ATRX: variants seen among roughly 807,000 people sequenced by gnomAD.
ATRX encodes ATRX chromatin remodeler, also known as chromatin remodeler ATRX.
A neutral mutation model predicts 172.6 loss-of-function variants in ATRX; 12 were observed. The ratio of observed to expected loss-of-function variants is 0.07; its 90% CI spans 0.04 to 0.11. The LOEUF (loss-of-function observed/expected upper bound fraction) is 0.11. Among genes scored for constraint, ATRX ranks in the 10% least tolerant of loss-of-function variants. ATRX has a pLI of 1.00. For missense variants in ATRX, 1,368 were observed against 1,767.4 expected (o/e 0.77, Z 4.05); for synonymous variants, 674 against 594.7 (o/e 1.13, Z -1.94).
intron 1 of ATRX, among the ~76,000 whole-genome samples, chrX:77,748,530 TAATTA>T (rs1339554034): frequency 2.6e-4 from 29 of 112,282 alleles, no homozygotes; most frequent in African/African-American, 9.0e-4. Context: ...ATTCCAAAAA[TAATTA>T]AATAAAAAGA....
In ATRX at chrX:77,682,066, C is replaced by A; in HGVS notation, c.3190G>T (p.Ala1064Ser). 8.3e-7 allele frequency: 1 copy of A among 1,210,648 alleles called. No individual in the cohort carries two copies. The change falls in exon 9 of 35, where the codon GCT (alanine) becomes TCT (serine). Residue 1064 changes from alanine to serine, a missense_variant. By Grantham distance (99) the Ala-to-Ser change is moderately conservative. Coordinates refer to ENST00000373344, the MANE Select transcript of ATRX (RefSeq NM_000489.6). The part of the protein sequence containing the change: ...SKKKDELSDY[A>S]EKSTGKGDSC... ...TCTCCTTTCCCTGTTGACTTCTCAG[C>A]ATAATCAGATAATTCATCCTTCTTT...
intron 1 of ATRX, among the ~76,000 whole-genome samples, chrX:77,735,371 C>A (rs782127667): frequency 9.0e-6 from 1 of 111,409 alleles, no homozygotes; most frequent in Non-Finnish European, 1.9e-5. Context: ...CCAAGGCAGG[C>A]GGATCACGAG....
At chrX:77,545,315 T>C (rs934900123) in intron 30 of ATRX, among the ~76,000 whole-genome samples, 6 of 111,996 alleles carry the variant, frequency 5.4e-5, no homozygotes, top group Non-Finnish European at 9.4e-5. Flanking sequence ...GCAGAAACTA[T>C]AGAAGGGAAA....
chrX:77,660,945 T>G (rs2069856414), intron 12 of ATRX, among the ~76,000 whole-genome samples: 1 of 112,190 alleles, frequency 8.9e-6, no homozygotes, highest in South Asian at 3.7e-4. Context: ...TTCAACCTCC[T>G]ATAAGACTCA....
chrX:77,671,419 CAAT>C (rs1945227340), intron 10 of ATRX, among the ~76,000 whole-genome samples: 1 of 106,762 alleles, frequency 9.4e-6, no homozygotes, highest in South Asian at 4.0e-4. Flanking sequence ...GGAGGTAGAA[CAAT>C]AAAAACTATG....
intron 28 of ATRX, among the ~76,000 whole-genome samples, chrX:77,560,764 C>T (rs1557061560): frequency 9.0e-6 from 1 of 111,177 alleles, no homozygotes; most frequent in Non-Finnish European, 1.9e-5. Flanking sequence ...AATAGAGATA[C>T]TAAATTCATG....
At chrX:77,556,118 G>GT in intron 30 of ATRX, among the ~76,000 whole-genome samples, 1 of 103,693 alleles carries the variant, frequency 9.6e-6, no homozygotes, top group East Asian at 3.1e-4. Flanking sequence ...GGAGGTTGCA[G>GT]TGAGCTGAGA....
intron 22 of ATRX, among the ~76,000 whole-genome samples, chrX:77,602,193 G>A (rs2066704489): frequency 9.0e-6 from 1 of 110,898 alleles, no homozygotes; most frequent in Non-Finnish European, 1.9e-5. Context: ...ATTTTTTGTA[G>A]AGACAGGGTC....
At chrX:77,690,245 C>T (rs970531495) in intron 6 of ATRX, among the ~76,000 whole-genome samples, 1 of 110,437 alleles carries the variant, frequency 9.1e-6, no homozygotes, top group African/African-American at 3.3e-5. Context: ...CCAGCTAATT[C>T]TTTTTAAAGA....
At chrX:77,673,170 A>G (rs1165963823) in intron 10 of ATRX, among the ~76,000 whole-genome samples, 1 of 111,128 alleles carries the variant, frequency 9.0e-6, no homozygotes, top group African/African-American at 3.3e-5. Context: ...CCCCAGTTAT[A>G]TTGAACATAT....
chrX:77,773,014 ATT>A (rs781825946), intron 1 of ATRX, among the ~76,000 whole-genome samples: 5 of 80,303 alleles, frequency 6.2e-5, no homozygotes, highest in African/African-American at 4.8e-5. Flanking sequence ...CACCTGGCTA[ATT>A]TTTTTTTTTT....
At chrX:77,755,686 C>T (rs1319877396) in intron 1 of ATRX, among the ~76,000 whole-genome samples, 1 of 111,929 alleles carries the variant, frequency 8.9e-6, no homozygotes, top group African/African-American at 3.2e-5. Flanking sequence ...AATATTGCTG[C>T]CTGCTCCTTC....
intron 10 of ATRX, among the ~76,000 whole-genome samples, chrX:77,665,956 T>A (rs781795394): frequency 9.0e-6 from 1 of 111,729 alleles, no homozygotes; most frequent in East Asian, 2.8e-4. Context: ...CACCCACATT[T>A]CAATGAAGAA....
intron 20 of ATRX, 69 bp from the exon 21 acceptor site, chrX:77,619,050 T>C (rs2067475167): frequency 1.3e-6 from 1 of 783,036 alleles, no homozygotes; most frequent in African/African-American, 2.1e-5. Flanking sequence ...AATTCCCCAA[T>C]GAAATGCTCA....
At chrX:77,556,371 G>A (rs1462732922) in intron 30 of ATRX, among the ~76,000 whole-genome samples, 7 of 62,368 alleles carry the variant, frequency 1.1e-4, no homozygotes, top group African/African-American at 3.7e-4. Context: ...GAGAGGGAGA[G>A]AGGGGAAGAG....
At chrX:77,640,682 T>C (rs932542700) in intron 15 of ATRX, among the ~76,000 whole-genome samples, 12 of 110,953 alleles carry the variant, frequency 1.1e-4, no homozygotes, top group African/African-American at 3.0e-4. Context: ...TATATTCCCC[T>C]TGAATTGGTG....
In ATRX at chrX:77,508,201, TAA is replaced by T. The variant is rs1289450931; in HGVS notation, c.*148_*149del. ...TCAGGAAGAAATGGTATGCCCTATTTAAAAAAAAAAAAAGTAAAACTAATATG... is the reference window on the plus strand; with the variant it reads ...TCAGGAAGAAATGGTATGCCCTATTTAAAAAAAAAAAGTAAAACTAATATG... On this transcript the variant is annotated 3_prime_UTR_variant, in exon 35 of 35. Transcript: ENST00000373344. 440 of 541,576 alleles carry T rather than the reference TAA, an allele frequency of 8.1e-4. No individual in the cohort carries two copies. Among genetic ancestry groups the T allele is most frequent in the Non-Finnish European group, 9.9e-4 (367 of 371,271 alleles). 44.6% of individuals were successfully genotyped at this position (541,576 alleles called of 1,213,427 possible).
intron 1 of ATRX, among the ~76,000 whole-genome samples, chrX:77,746,297 T>C (rs929983302): frequency 1.3e-4 from 14 of 111,334 alleles, no homozygotes; most frequent in Non-Finnish European, 2.1e-4. Flanking sequence ...CGTAAATTTA[T>C]ATAAATAAAA....
At chrX:77,717,539 G>T (rs2073500783) in intron 1 of ATRX, among the ~76,000 whole-genome samples, 1 of 107,149 alleles carries the variant, frequency 9.3e-6, no homozygotes, top group Non-Finnish European at 1.9e-5. Flanking sequence ...GTGAGGCAGA[G>T]GTTGCAGTGA....
Sources: allele counts gnomAD v4.1 joint callset (sites outside exome capture counted in the v4.1 genomes callset), GRCh38; gene constraint gnomAD v4.1.1; transcripts MANE v1.5; gene names NCBI Gene and HGNC (gene_info 2026-07-23, HGNC 2026-07-21).